The following KIRREL3 variants were observed in gnomAD, a reference collection of about 807,000 sequenced individuals.
The protein encoded by KIRREL3 is kirre like nephrin family adhesion molecule 3, also known as kin of IRRE-like protein 3.
A neutral mutation model predicts 89.7 loss-of-function variants in KIRREL3; 36 were observed. The observed-to-expected ratio is 0.40, with a 90% CI of 0.31 to 0.53. KIRREL3 has a LOEUF of 0.53. Among genes scored for constraint, KIRREL3 ranks in the 20% least tolerant of loss-of-function variants. The probability of loss-of-function intolerance (pLI) is 0.49; values close to 1 mark genes in which losing one functional copy is unlikely to be tolerated. For synonymous variants in KIRREL3, 445 were observed against 441.4 expected (o/e 1.01, Z -0.10); for missense variants, 864 against 1,056.6 (o/e 0.82, Z 2.53).
rs374337898 is a variant in KIRREL3 at position 126,455,702 on chromosome 11, G to A, written c.848+647C>T. ...TCCCAGCTACTTGGGAGGCTGAGGC[G>A]GGAGAATGGCGTGAACCCAGGAGGC... On this transcript the variant is annotated intron_variant, in intron 7 of 16. Coordinates refer to ENST00000525144, the MANE Select transcript of KIRREL3 (RefSeq NM_032531.4). This position sits in a 1 kb window ranked among gnomAD's most constrained non-coding sequence, Gnocchi z 6.4. Among the ~76,000 whole-genome samples the A allele has an allele frequency of 3.3e-5, 5 of 152,200 alleles. No homozygotes were observed. In the East Asian group the frequency reaches 7.7e-4, roughly 24 times the overall value.
Position 126,432,138 on chromosome 11 carries a change from G to A in KIRREL3, c.1589-612C>T, listed in dbSNP as rs184869361. The stretch of plus-strand genomic sequence containing the variant: ...GGAGCAGGGTTACAGCTTCTCCACT[G>A]CCACCTCTCTAAGGAGAGAGGCCCC... On this transcript the variant is annotated intron_variant, in intron 13 of 16. Coordinates refer to ENST00000525144, the MANE Select transcript of KIRREL3 (RefSeq NM_032531.4). This position sits in a 1 kb window ranked among gnomAD's most constrained non-coding sequence, Gnocchi z 6.2. Among the ~76,000 whole-genome samples, 5 of 152,202 alleles carry A rather than the reference G, an allele frequency of 3.3e-5. No individual in the cohort carries two copies. The East Asian group carries it at 9.7e-4, about 29-fold the overall frequency.
At chr11:126,482,368 A>G (rs1335589688) in intron 4 of KIRREL3, among the ~76,000 whole-genome samples, 1 of 152,138 alleles carries the variant, frequency 6.6e-6, no homozygotes, top group African/African-American at 2.4e-5. Flanking sequence ...TGCTAACTTG[A>G]AGGTCGGGCA....
Position 126,445,866 on chromosome 11 carries a change from G to A in KIRREL3, c.1126-761C>T, listed in dbSNP as rs142886804. 3.3e-3 allele frequency among the ~76,000 whole-genome samples: 501 copies of A among 152,282 alleles called. 2 individuals are homozygous for A. The highest frequency in any genetic ancestry group is 0.011 in the African/African-American group (475 of 41,534). On this transcript the variant is annotated intron_variant, in intron 9 of 16. Transcript: ENST00000525144. ...TATACGTCTTAAAAGAGGAACACAA[G>A]GGCTGGACACGGTGGCTCACGCCTG...
At chr11:126,911,846 G>A (rs1229613582) in intron 1 of KIRREL3, among the ~76,000 whole-genome samples, 6 of 152,074 alleles carry the variant, frequency 3.9e-5, no homozygotes, top group African/African-American at 7.2e-5. Flanking sequence ...AGCCGGGCGC[G>A]GTGGCGGGTG....
rs1955159150 is a variant in KIRREL3, at chr11:126,432,176, T to G, written c.1589-650A>C. Among the ~76,000 whole-genome samples, 1 of 151,996 alleles carries G rather than the reference T, an allele frequency of 6.6e-6. No individual in the cohort carries two copies. The highest frequency in any genetic ancestry group is 1.5e-5 in the Non-Finnish European group (1 of 67,992). ...GGAGAGAGGCCCCTTTCCCTCCATC[T>G]CCAGGTCTGCAGCTTCTCCCTCAAG... On this transcript the variant is annotated intron_variant, in intron 13 of 16. Coordinates refer to ENST00000525144, the MANE Select transcript of KIRREL3 (RefSeq NM_032531.4). This position sits in a 1 kb window ranked among gnomAD's most constrained non-coding sequence, Gnocchi z 6.2.
intron 13 of KIRREL3, among the ~76,000 whole-genome samples, chr11:126,434,643 T>C (rs1225800778): frequency 1.3e-5 from 2 of 152,172 alleles, no homozygotes; most frequent in Non-Finnish European, 2.9e-5. Flanking sequence ...CTTTTCTGGT[T>C]TTCTGCTCGG....
Position 126,448,208 on chromosome 11 carries a change from G to A in KIRREL3, c.997+801C>T, listed in dbSNP as rs1354170311. On this transcript the variant is annotated intron_variant, in intron 8 of 16. Coordinates refer to ENST00000525144, the MANE Select transcript of KIRREL3 (RefSeq NM_032531.4). ...TGAGGCAGGAGAATCTCTTGAACCAGGGAGTTGGAGGTTGCAGTGAGCAGA... is the reference window on the plus strand; with the variant it reads ...TGAGGCAGGAGAATCTCTTGAACCAAGGAGTTGGAGGTTGCAGTGAGCAGA... Among the ~76,000 whole-genome samples, 3 of 149,632 alleles carry A rather than the reference G, an allele frequency of 2.0e-5. No individual in the cohort carries two copies. In the East Asian group the frequency reaches 6.0e-4, roughly 30 times the overall value.
chr11:126,802,496 T>C lies in KIRREL3; in HGVS notation c.55+197959A>G, dbSNP rs1951067851. On this transcript the variant is annotated intron_variant, in intron 1 of 16. Transcript: ENST00000525144. This position sits in a 1 kb window ranked among gnomAD's most constrained non-coding sequence, Gnocchi z 5.2. ...TCTTCTCATGTCTGCGTGGATTTTC[T>C]CTGTGTCCTCCAGCTTCCTCCCACA... is the stretch of plus-strand genomic sequence containing the variant. Among the ~76,000 whole-genome samples, 1 of 152,210 alleles carries C rather than the reference T, an allele frequency of 6.6e-6. No individual in the cohort carries two copies. The highest frequency in any genetic ancestry group is 2.1e-4 in the South Asian group (1 of 4,832).
intron 1 of KIRREL3, among the ~76,000 whole-genome samples, chr11:126,947,255 A>G (rs978596623): frequency 8.0e-4 from 122 of 152,178 alleles, no homozygotes; most frequent in Non-Finnish European, 1.5e-4. Context: ...GAACACTGCT[A>G]CTGCTATTTT....
Position 126,570,841 on chromosome 11 carries a change from C to CA in KIRREL3, c.56-7930dup, listed in dbSNP as rs760888082. On this transcript the variant is annotated intron_variant, in intron 1 of 16. Transcript: ENST00000525144. This position sits in a 1 kb window ranked among gnomAD's most constrained non-coding sequence, Gnocchi z 6.1. ...GTGGTCATCTATCCTTCGGCTTCTC[C>CA]AAATCTCTGCTCACTGGCTTAAGTC... Among the ~76,000 whole-genome samples the CA allele has an allele frequency of 2.1e-4, 32 of 152,322 alleles. No individual in the cohort carries two copies. The highest frequency in any genetic ancestry group is 3.7e-4 in the Non-Finnish European group (25 of 68,032).
At chr11:126,743,189 A>G (rs1949036858) in intron 1 of KIRREL3, among the ~76,000 whole-genome samples, 1 of 152,244 alleles carries the variant, frequency 6.6e-6, no homozygotes, top group South Asian at 2.1e-4. Flanking sequence ...AAAACAGCAC[A>G]AAGAGATGAC....
In KIRREL3 at chr11:126,520,830, G is replaced by T. The variant is rs1193178895; in HGVS notation, c.433+485C>A. ...AATGAGGGGTGGAGAAGTCACGGGG[G>T]TCACTGGTGTCCACATGGATACTAG... On this transcript the variant is annotated intron_variant, in intron 4 of 16. Coordinates refer to ENST00000525144, the MANE Select transcript of KIRREL3 (RefSeq NM_032531.4). The surrounding 1 kb of genome is among the most constrained non-coding windows in gnomAD (Gnocchi z 4.9). Among the ~76,000 whole-genome samples the T allele has an allele frequency of 6.6e-6, 1 of 152,166 alleles. No individual in the cohort carries two copies. Among genetic ancestry groups the T allele is most frequent in the East Asian group, 1.9e-4 (1 of 5,192 alleles).
In KIRREL3 at chr11:126,477,010, G is replaced by A. The variant is rs541887848; in HGVS notation, c.434-3544C>T. ...AGTTGACTGTTTTGGTGTTGTGCTT[G>A]TTGTCAGTCAGGAAAAAAATGGCAT... is the stretch of plus-strand genomic sequence containing the variant. On this transcript the variant is annotated intron_variant, in intron 4 of 16. Transcript: ENST00000525144. The surrounding 1 kb of genome is among the most constrained non-coding windows in gnomAD (Gnocchi z 4.8). Among the ~76,000 whole-genome samples, 291 of 152,280 alleles carry A rather than the reference G, an allele frequency of 1.9e-3. 1 individual carries two copies. The highest frequency in any genetic ancestry group is 3.4e-3 in the Non-Finnish European group (232 of 68,050).
intron 1 of KIRREL3, among the ~76,000 whole-genome samples, chr11:126,658,339 T>C (rs1484655698): frequency 6.6e-6 from 1 of 152,188 alleles, no homozygotes; most frequent in Non-Finnish European, 1.5e-5. Flanking sequence ...TAACCCCAAC[T>C]TCCTAAGCCA....
At chr11:126,680,501 A>C (rs555372955) in intron 1 of KIRREL3, among the ~76,000 whole-genome samples, 6 of 152,114 alleles carry the variant, frequency 3.9e-5, no homozygotes, top group African/African-American at 1.4e-4. Context: ...ATTCAGCAGG[A>C]GGTAGTAGGG....
chr11:126,963,840 A>G (rs2135189884), intron 1 of KIRREL3, among the ~76,000 whole-genome samples: 1 of 152,256 alleles, frequency 6.6e-6, no homozygotes, highest in African/African-American at 2.4e-5. Context: ...TAAAAGTGCC[A>G]CCCCTGGAGT....
Position 126,876,356 on chromosome 11 carries a change from G to A in KIRREL3, c.55+124099C>T, listed in dbSNP as rs1394317579. On this transcript the variant is annotated intron_variant, in intron 1 of 16. Coordinates refer to ENST00000525144, the MANE Select transcript of KIRREL3 (RefSeq NM_032531.4). The surrounding 1 kb of genome is among the most constrained non-coding windows in gnomAD (Gnocchi z 4.1). ...CTACAGAAAGGGAAAATGTGGAGAA[G>A]CAGATAGCAATGTGGTAAAAAGATG... 6.6e-6 allele frequency among the ~76,000 whole-genome samples: 1 copy of A among 152,140 alleles called. No individual in the cohort carries two copies. The highest frequency in any genetic ancestry group is 1.5e-5 in the Non-Finnish European group (1 of 68,024).
intron 1 of KIRREL3, among the ~76,000 whole-genome samples, chr11:126,616,905 G>GT (rs1943376950): frequency 6.6e-6 from 1 of 152,240 alleles, no homozygotes; most frequent in Non-Finnish European, 1.5e-5. Context: ...GCCTCCCAAA[G>GT]TGTTGGGATT....
intron 1 of KIRREL3, among the ~76,000 whole-genome samples, chr11:126,848,910 T>C (rs1944240930): frequency 6.6e-6 from 1 of 152,202 alleles, no homozygotes; most frequent in African/African-American, 2.4e-5. Context: ...TTACAGAAGA[T>C]GGATCTTCGT....
Sources: gnomAD v4.1 joint callset for allele counts (sites outside exome capture counted in the v4.1 genomes callset) on GRCh38, gnomAD v4.1.1 for gene constraint, Gnocchi (gnomAD v3.1) non-coding constraint, MANE v1.5 for transcripts, NCBI Gene and HGNC (gene_info 2026-07-23, HGNC 2026-07-21) for gene names.